DAB1: variants seen among roughly 807,000 people sequenced by gnomAD.
DAB1 encodes the protein disabled homolog 1.
A neutral mutation model predicts 64.6 loss-of-function variants in DAB1; 15 were observed. That is an observed-to-expected ratio of 0.23 (90% CI 0.16 to 0.36). The LOEUF is 0.36. Ranked by LOEUF, DAB1 falls within the 10% of genes least tolerant of loss-of-function variation. DAB1 has a pLI of 1.00. For synonymous variants in DAB1, 235 were observed against 251.9 expected, an observed-to-expected ratio of 0.93 and a Z score of 0.64; for missense variants, 596 against 706.7, an observed-to-expected ratio of 0.84 and a Z score of 1.78.
intron 4 of DAB1, among the ~76,000 whole-genome samples, chr1:57,095,568 G>C (rs746753408): frequency 6.6e-6 from 1 of 152,126 alleles, no homozygotes; most frequent in East Asian, 1.9e-4. Context: ...GACGATTAAC[G>C]GCATCATATA....
At chr1:57,060,401 C>T (rs570645888) in intron 9 of DAB1, among the ~76,000 whole-genome samples, 22 of 152,166 alleles carry the variant, frequency 1.4e-4, no homozygotes, top group South Asian at 1.2e-3. Flanking sequence ...CTGCTCGCCT[C>T]GGCCTCCCAA....
At chr1:57,024,307 A>G (rs1646716241) in intron 10 of DAB1, among the ~76,000 whole-genome samples, 1 of 152,164 alleles carries the variant, frequency 6.6e-6, no homozygotes, top group Non-Finnish European at 1.5e-5. Flanking sequence ...TCGGTGCTGG[A>G]ATTCCAAAAA....
At chr1:58,127,708 A>T (rs1219444927) in intron 5 of DAB1, among the ~76,000 whole-genome samples, 1 of 151,974 alleles carries the variant, frequency 6.6e-6, no homozygotes, top group Non-Finnish European at 1.5e-5. Context: ...ACCATTTATT[A>T]AATAGGGAAT....
At chr1:57,095,519 A>G (rs1654077365) in intron 4 of DAB1, among the ~76,000 whole-genome samples, 1 of 152,202 alleles carries the variant, frequency 6.6e-6, no homozygotes, top group South Asian at 2.1e-4. Context: ...ATTTCAAACA[A>G]AGAAAAGTCA....
intron 6 of DAB1, among the ~76,000 whole-genome samples, chr1:57,738,551 T>C (rs1215658694): frequency 2.0e-5 from 3 of 152,010 alleles, no homozygotes; most frequent in African/African-American, 4.8e-5. Context: ...TTGTGTAATA[T>C]ATTTTGTGTG....
intron 1 of DAB1, among the ~76,000 whole-genome samples, chr1:57,371,623 A>G (rs1339475503): frequency 6.6e-6 from 1 of 152,226 alleles, no homozygotes; most frequent in East Asian, 1.9e-4. Flanking sequence ...AACAAAACTC[A>G]CAGCCCTGCT....
intron 1 of DAB1, among the ~76,000 whole-genome samples, chr1:57,382,451 A>G (rs1183932405): frequency 1.3e-5 from 2 of 152,300 alleles, no homozygotes; most frequent in African/African-American, 2.4e-5. Context: ...ACAAATTACC[A>G]TGAACTTAGT....
intron 7 of DAB1, among the ~76,000 whole-genome samples, chr1:57,461,630 G>C (rs1319205484): frequency 6.6e-6 from 1 of 152,160 alleles, no homozygotes; most frequent in Non-Finnish European, 1.5e-5. Context: ...TGCGCCCTCT[G>C]TCAGGAATGC....
chr1:57,208,700 G>A (rs537712807), intron 2 of DAB1, among the ~76,000 whole-genome samples: 1 of 152,266 alleles, frequency 6.6e-6, no homozygotes, highest in Admixed American at 6.5e-5. Flanking sequence ...ACTGTGGCAG[G>A]TGATTTTAAT....
intron 4 of DAB1, among the ~76,000 whole-genome samples, chr1:58,268,087 TATG>T (rs112008909): frequency 0.66 from 100,605 of 151,644 alleles, 34,396 homozygotes; most frequent in East Asian, 0.87. Context: ...TTCTGCCACT[TATG>T]AGCTATATGA....
chr1:57,903,403 T>G (rs1475025572), intron 5 of DAB1, among the ~76,000 whole-genome samples: 2 of 152,170 alleles, frequency 1.3e-5, no homozygotes, highest in Non-Finnish European at 2.9e-5. Context: ...GGTTCCTTTT[T>G]GTGTTATTCA....
chr1:58,262,353 C>T (rs1391143323), intron 4 of DAB1, among the ~76,000 whole-genome samples: 5 of 152,096 alleles, frequency 3.3e-5, no homozygotes, highest in Non-Finnish European at 7.4e-5. Context: ...CTCCCTCCTC[C>T]AACAAAAGAC....
chr1:57,550,750 C>A (rs1295425391), intron 7 of DAB1, among the ~76,000 whole-genome samples: 1 of 152,176 alleles, frequency 6.6e-6, no homozygotes, highest in Non-Finnish European at 1.5e-5. Flanking sequence ...TTAACACAGA[C>A]TGTACTTTTT....
At chr1:57,499,062 G>A (rs201560584) in intron 7 of DAB1, among the ~76,000 whole-genome samples, 15 of 152,090 alleles carry the variant, frequency 9.9e-5, no homozygotes, top group African/African-American at 3.1e-4. Flanking sequence ...TGCAACCTCC[G>A]CCTCCCGGGT....
chr1:57,800,268 ATT>A (rs1440623740), intron 6 of DAB1, among the ~76,000 whole-genome samples: 1 of 152,206 alleles, frequency 6.6e-6, no homozygotes, highest in African/African-American at 2.4e-5. Context: ...AAAGGGAAGA[ATT>A]CAAGAGATGT....
At chr1:58,183,690 C>T (rs369204817) in intron 4 of DAB1, among the ~76,000 whole-genome samples, 7 of 151,618 alleles carry the variant, frequency 4.6e-5, no homozygotes, top group African/African-American at 1.2e-4. Flanking sequence ...TTTTAGATGA[C>T]GTATTATAGG....
At chr1:58,467,990 T>C (rs929166677) in intron 3 of DAB1, 2 of 152,446 alleles carry the variant, frequency 1.3e-5, no homozygotes, top group Non-Finnish European at 2.9e-5. Flanking sequence ...AATGGCGCGA[T>C]CTCAGCTCAC....
intron 1 of DAB1, among the ~76,000 whole-genome samples, chr1:57,355,965 T>G (rs943551273): frequency 8.6e-5 from 13 of 151,842 alleles, no homozygotes; most frequent in African/African-American, 3.1e-4. Context: ...CCTAATTCAC[T>G]AGTTTTTCCT....
At chr1:57,521,574 C>A (rs1336311643) in intron 7 of DAB1, among the ~76,000 whole-genome samples, 1 of 152,124 alleles carries the variant, frequency 6.6e-6, no homozygotes, top group Non-Finnish European at 1.5e-5. Flanking sequence ...CTGGTAGAGG[C>A]TTTCAGGTAA....
Sources: allele counts gnomAD v4.1 joint callset (sites outside exome capture counted in the v4.1 genomes callset), GRCh38; gene constraint gnomAD v4.1.1; transcripts MANE v1.5; gene names NCBI Gene and HGNC (gene_info 2026-07-23, HGNC 2026-07-21).